SGSM1: variants seen among roughly 807,000 people sequenced by gnomAD.
The protein encoded by SGSM1 is small G protein signaling modulator 1, also known as RUN and TBC1 domain containing 2.
In SGSM1, 73 loss-of-function variants were observed where a neutral mutation model predicts 133.8. The observed-to-expected ratio is 0.55, with a 90% confidence interval of 0.45 to 0.66. The LOEUF (loss-of-function observed/expected upper bound fraction) is 0.66. Among genes scored for constraint, SGSM1 ranks in the 30% least tolerant of loss-of-function variants. The probability of loss-of-function intolerance (pLI) is 0.00; values close to 1 mark genes in which losing one functional copy is unlikely to be tolerated. For synonymous variants in SGSM1, 563 were observed against 573.0 expected, an observed-to-expected ratio of 0.98 and a Z score of 0.25; for missense variants, 1,213 against 1,448.1, an observed-to-expected ratio of 0.84 and a Z score of 2.64.
At chr22:24,842,881 A>C (rs980219632) in intron 2 of SGSM1, among the ~76,000 whole-genome samples, 1 of 152,198 alleles carries the variant, frequency 6.6e-6, no homozygotes, top group Non-Finnish European at 1.5e-5. Context: ...TATCTTGTTC[A>C]GCCTTCCCAA....
intron 3 of SGSM1, 140 bp from the exon 4 acceptor site, chr22:24,847,494 C>G: frequency 9.4e-7 from 1 of 1,067,414 alleles, no homozygotes; most frequent in Non-Finnish European, 1.3e-6. Context: ...AGTGTGAGCT[C>G]CCTGTCTCTG....
intron 22 of SGSM1, among the ~76,000 whole-genome samples, chr22:24,913,188 G>T (rs959184337): frequency 1.3e-5 from 2 of 151,528 alleles, no homozygotes; most frequent in Non-Finnish European, 2.9e-5. Context: ...AGCTACTCTG[G>T]AGGCTGAGGC....
At chr22:24,874,458 C>T (rs779968961) in intron 12 of SGSM1, 1 of 1,613,618 alleles carries the variant, frequency 6.2e-7, no homozygotes, top group South Asian at 1.1e-5. Flanking sequence ...TCTCTGTGGG[C>T]CCTGCCTGGA....
chr22:24,898,147 G>A lies in SGSM1; in HGVS notation c.2198G>A (p.Ser733Asn). The A allele has an allele frequency of 6.2e-7, 1 of 1,614,040 alleles. No individual in the cohort carries two copies. Among genetic ancestry groups the A allele is most frequent in the Non-Finnish European group, 8.5e-7 (1 of 1,179,900 alleles). ...TCAGAGCACTCAGAGCCCAGTCTGAGCACAGAAGACAGTGTCTTGGACGCC... is the reference window on the plus strand; with the variant it reads ...TCAGAGCACTCAGAGCCCAGTCTGAACACAGAAGACAGTGTCTTGGACGCC... ...GLSEHSEPSLSTEDSVLDAQR... is the reference protein window; with the variant it reads ...GLSEHSEPSLNTEDSVLDAQR... The change falls in exon 19 of 25, where the codon AGC (serine) becomes AAC (asparagine). Residue 733 changes from serine (S) to asparagine (N), a missense_variant. By Grantham distance (46) the Ser-to-Asn change is conservative. Transcript: ENST00000400358.
At chr22:24,821,761 A>G (rs565149924) in intron 2 of SGSM1, among the ~76,000 whole-genome samples, 1 of 152,308 alleles carries the variant, frequency 6.6e-6, no homozygotes, top group South Asian at 2.1e-4. Context: ...TTTAAGACTT[A>G]TTAAAGTCTT....
chr22:24,808,054 ACTCCTGT>A (rs1468128404), intron 2 of SGSM1, among the ~76,000 whole-genome samples: 1 of 147,072 alleles, frequency 6.8e-6, no homozygotes, highest in Admixed American at 6.8e-5. Context: ...CCTTGTATAG[ACTCCTGT>A]GGGTATTCCA....
Position 24,876,594 on chromosome 22 carries a change from G to T in SGSM1, c.1309G>T (p.Asp437Tyr). 6.2e-7 allele frequency: 1 copy of T among 1,613,988 alleles called. No homozygotes were observed. Among genetic ancestry groups the T allele is most frequent in the Non-Finnish European group, 8.5e-7 (1 of 1,179,884 alleles). ...QSEFVPQDLMDVSVSNLPSLW... is the reference protein window; with the variant it reads ...QSEFVPQDLMYVSVSNLPSLW... The stretch of plus-strand genomic sequence containing the variant: ...CACCACAGTGCCCCAGGATCTGATG[G>T]ACGTCTCTGTAAGCAACCTCCCATC... The change falls in exon 13 of 25, where the codon GAC becomes TAC. Residue 437 changes from aspartate (D) to tyrosine (Y), a missense_variant. Coordinates refer to ENST00000400358, the MANE Select transcript of SGSM1 (RefSeq NM_001098497.3).
chr22:24,906,126 A>AT (rs747204179), intron 21 of SGSM1, among the ~76,000 whole-genome samples: 4 of 152,228 alleles, frequency 2.6e-5, no homozygotes, highest in Non-Finnish European at 2.9e-5. Context: ...AAATCAATCA[A>AT]TTTAATTCAC....
At position 24,898,008 on chromosome 22, in the gene SGSM1, G is replaced by A. The variant is rs753472031; in HGVS notation, c.2059G>A (p.Ala687Thr). Residue 687 changes from alanine (A) to threonine (T), a missense_variant, in exon 19 of 25, where the codon GCT (alanine) becomes ACT (threonine). Transcript: ENST00000400358. ...TGTGGATGAGGTGGAGCAGGTGGAG[G>A]CTGAAGGCAGATTGGAGGAGAAACA... ...ESVDEVEQVE[A>T]EGRLEEKQPK... 6.8e-6 allele frequency: 11 copies of A among 1,610,250 alleles called. No homozygotes were observed. In the African/African-American group the frequency reaches 1.2e-4, roughly 18 times the overall value.
rs551632812 is a variant in SGSM1 at position 24,906,720 on chromosome 22, G to A, written c.2818+1533G>A. On this transcript the variant is annotated intron_variant, in intron 21 of 24. Transcript: ENST00000400358. ...GGCCAAGGCGGGTGGATCACCTGAG[G>A]TCAGGAGTTTGAGACCAGCCTGACC... Among the ~76,000 whole-genome samples the A allele has an allele frequency of 2.6e-5, 4 of 152,300 alleles. No individual in the cohort carries two copies. The South Asian group carries it at 8.3e-4, about 32-fold the overall frequency.
intron 2 of SGSM1, among the ~76,000 whole-genome samples, chr22:24,833,152 C>T (rs1929217682): frequency 6.6e-6 from 1 of 151,222 alleles, no homozygotes; most frequent in Non-Finnish European, 1.5e-5. Flanking sequence ...CCAGGCTGGT[C>T]TGGAACTCCT....
intron 5 of SGSM1, among the ~76,000 whole-genome samples, chr22:24,853,760 G>C (rs954630247): frequency 6.9e-6 from 1 of 145,530 alleles, no homozygotes; most frequent in Admixed American, 6.9e-5. Context: ...GCACCACCAC[G>C]CCTGGTGAAT....
chr22:24,897,964 G>A lies in SGSM1; in HGVS notation c.2023-8G>A. 1.3e-6 allele frequency: 2 copies of A among 1,580,740 alleles called. No homozygotes were observed. The highest frequency in any genetic ancestry group is 1.7e-6 in the Non-Finnish European group (2 of 1,162,880). On this transcript the variant is annotated splice_polypyrimidine_tract_variant and splice_region_variant and intron_variant, in intron 18 of 24. Coordinates refer to ENST00000400358, the MANE Select transcript of SGSM1 (RefSeq NM_001098497.3). Reference sequence around the variant, plus strand: ...CGGTCCATCTGTTTTTGTGCACCTTGTCCTCAGGTGTTTGAGTCTGTGGAT... The same window carrying A: ...CGGTCCATCTGTTTTTGTGCACCTTATCCTCAGGTGTTTGAGTCTGTGGAT...
chr22:24,866,784 G>C (rs1569154819), intron 9 of SGSM1, among the ~76,000 whole-genome samples: 1 of 152,192 alleles, frequency 6.6e-6, no homozygotes. Context: ...ACTGTGGCCG[G>C]AACAGTGGGA....
chr22:24,918,383 C>G (rs749655068), intron 23 of SGSM1, among the ~76,000 whole-genome samples: 3 of 151,400 alleles, frequency 2.0e-5, no homozygotes, highest in Non-Finnish European at 4.4e-5. Context: ...ATAGTTTCAG[C>G]TACTCAGGAG....
At chr22:24,913,769 C>T (rs547996920) in intron 22 of SGSM1, among the ~76,000 whole-genome samples, 5 of 152,180 alleles carry the variant, frequency 3.3e-5, no homozygotes, top group Non-Finnish European at 7.4e-5. Context: ...CCAGTAATCC[C>T]AGCACTTTGG....
Position 24,893,497 on chromosome 22 carries a change from G to T in SGSM1, c.1837G>T (p.Val613Leu). Reference protein sequence around the residue: ...MAEWLGCEAIVRQRERESHAA... With the variant: ...MAEWLGCEAILRQRERESHAA... Reference sequence around the variant, plus strand: ...TGAGTGGCTGGGCTGCGAGGCGATCGTGCGGCAGAGGGAGCGGGAGTCCCA... The same window carrying T: ...TGAGTGGCTGGGCTGCGAGGCGATCTTGCGGCAGAGGGAGCGGGAGTCCCA... The change falls in exon 17 of 25, where the codon GTG becomes TTG. Residue 613 changes from valine to leucine, a missense_variant. Transcript: ENST00000400358. 1 of 1,613,676 alleles carries T rather than the reference G, an allele frequency of 6.2e-7. No individual in the cohort carries two copies. Among genetic ancestry groups the T allele is most frequent in the Non-Finnish European group, 8.5e-7 (1 of 1,179,766 alleles).
chr22:24,891,856 G>A (rs1428245125), intron 16 of SGSM1, among the ~76,000 whole-genome samples: 1 of 152,134 alleles, frequency 6.6e-6, no homozygotes, highest in Admixed American at 6.6e-5. Context: ...GGGTGAAGAA[G>A]GGAAGAGAAG....
At chr22:24,840,830 G>T (rs568274016) in intron 2 of SGSM1, among the ~76,000 whole-genome samples, 9 of 151,908 alleles carry the variant, frequency 5.9e-5, no homozygotes, top group Admixed American at 2.6e-4. Context: ...TGTTTTTATT[G>T]GCCATGTTGT....
Sources: allele counts gnomAD v4.1 joint callset (sites outside exome capture counted in the v4.1 genomes callset), GRCh38; gene constraint gnomAD v4.1.1; transcripts MANE v1.5; gene names NCBI Gene and HGNC (gene_info 2026-07-23, HGNC 2026-07-21).